SLC35D1: variants seen among roughly 807,000 people sequenced by gnomAD.
SLC35D1 encodes solute carrier family 35 member D1.
A neutral mutation model predicts 46.7 loss-of-function variants in SLC35D1; 31 were observed. The ratio of observed to expected loss-of-function variants is 0.66; its 90% CI spans 0.50 to 0.90. SLC35D1 has a LOEUF of 0.90. SLC35D1 is among the 40% of genes least tolerant of loss of function. The pLI, the probability that SLC35D1 is intolerant of heterozygous loss-of-function variation, is 0.00. For synonymous variants in SLC35D1, 195 were observed against 164.6 expected (o/e 1.18, Z -1.41); for missense variants, 397 against 426.2 (o/e 0.93, Z 0.60).
chr1:66,985,219 T>C, the SLC35D1 span: 1 of 970,256 alleles, frequency 1.0e-6, no homozygotes, highest in Non-Finnish European at 1.2e-6. Flanking sequence ...AAGATGTATC[T>C]GTACCTTCTC....
At chr1:67,051,691 A>G (rs1177030464) in intron 4 of SLC35D1, among the ~76,000 whole-genome samples, 1 of 152,232 alleles carries the variant, frequency 6.6e-6, no homozygotes, top group African/African-American at 2.4e-5. Flanking sequence ...CCAGAAGCCT[A>G]GTATATATCT....
intron 8 of SLC35D1, among the ~76,000 whole-genome samples, chr1:67,035,279 T>G (rs1668100599): frequency 6.6e-6 from 1 of 152,200 alleles, no homozygotes; most frequent in Non-Finnish European, 1.5e-5. Context: ...TTGGCATTAG[T>G]TCTTCTTTAA....
chr1:67,020,336 G>C, intron 10 of SLC35D1, 33 bp downstream of exon 10: 1 of 1,369,308 alleles, frequency 7.3e-7, no homozygotes, highest in East Asian at 2.3e-5. Context: ...AAATAATGCA[G>C]GTACCAAAAG....
intron 1 of SLC35D1, 139 bp downstream of exon 1, chr1:67,053,672 C>T: frequency 1.2e-5 from 10 of 826,316 alleles, no homozygotes; most frequent in Non-Finnish European, 1.6e-5. Flanking sequence ...CCGCGCGCGT[C>T]AGCCGCCCGC....
At chr1:67,025,887 T>A (rs1289490252) in intron 8 of SLC35D1, among the ~76,000 whole-genome samples, 1 of 152,232 alleles carries the variant, frequency 6.6e-6, no homozygotes, top group African/African-American at 2.4e-5. Flanking sequence ...AATTTTTGCA[T>A]ATTGACCTTG....
chr1:66,973,105 C>A, the SLC35D1 span: 1 of 603,432 alleles, frequency 1.7e-6, no homozygotes. Flanking sequence ...ATTAATATGA[C>A]AATATTTTGG....
chr1:66,979,081 G>A, the SLC35D1 span, among the ~76,000 whole-genome samples: 1 of 151,876 alleles, frequency 6.6e-6, no homozygotes, highest in Non-Finnish European at 1.5e-5. Flanking sequence ...GGCTTCAGTT[G>A]TAGCCCCACT....
intron 10 of SLC35D1, among the ~76,000 whole-genome samples, chr1:67,018,834 G>A (rs1009318759): frequency 6.6e-6 from 1 of 152,200 alleles, no homozygotes; most frequent in Non-Finnish European, 1.5e-5. Flanking sequence ...TGTATCCTGT[G>A]AGACTTCGAC....
At chr1:67,006,026 T>C (rs984679795) in intron 11 of SLC35D1, among the ~76,000 whole-genome samples, 4 of 152,046 alleles carry the variant, frequency 2.6e-5, no homozygotes, top group Non-Finnish European at 5.9e-5. Context: ...TTCCCCCCCT[T>C]TCTGTGGAAA....
intron 8 of SLC35D1, among the ~76,000 whole-genome samples, chr1:67,040,188 A>C (rs1668212880): frequency 6.6e-6 from 1 of 151,782 alleles, no homozygotes; most frequent in African/African-American, 2.4e-5. Flanking sequence ...GTAGAGATGG[A>C]GTTTTGCCAT....
intron 8 of SLC35D1, 102 bp from the exon 9 acceptor site, chr1:67,021,704 CAG>C (rs762231314): frequency 0.14 from 41,429 of 286,530 alleles, 1,911 homozygotes; most frequent in East Asian, 0.28. Context: ...AACACAGACA[CAG>C]ACACAGACAC....
At position 66,999,567 on chromosome 1, in the gene SLC35D1, T is replaced by TA. The variant is rs1667287600; in HGVS notation, c.*4772_*4773insT. ...CTAACACCTGTAGACAAAAATCAGTTGATCATCAGCATGAGAAAGAAAACA... is the reference window on the plus strand; with the variant it reads ...CTAACACCTGTAGACAAAAATCAGTTAGATCATCAGCATGAGAAAGAAAACA... On this transcript the variant is annotated 3_prime_UTR_variant, in exon 12 of 12. Coordinates refer to ENST00000235345, the MANE Select transcript of SLC35D1 (RefSeq NM_015139.3). The TA allele has an allele frequency of 6.6e-6, 1 of 152,208 alleles. No individual in the cohort carries two copies. Among genetic ancestry groups the TA allele is most frequent in the Admixed American group, 6.6e-5 (1 of 15,254 alleles). The allele number at this position is 152,208 out of a possible 1,614,324, so 9.4% of individuals were successfully genotyped here.
At chr1:67,033,629 C>T (rs1410849304) in intron 8 of SLC35D1, among the ~76,000 whole-genome samples, 2 of 152,034 alleles carry the variant, frequency 1.3e-5, no homozygotes, top group Non-Finnish European at 2.9e-5. Context: ...AATATTTTCT[C>T]CCATTCTGTG....
chr1:66,985,814 A>T, the SLC35D1 span: 199 of 630,418 alleles, frequency 3.2e-4, no homozygotes, highest in South Asian at 1.6e-3. Context: ...GGATTATAAA[A>T]TTTTTTTTTT....
At chr1:66,978,089 G>A in the SLC35D1 span, among the ~76,000 whole-genome samples, 1 of 151,768 alleles carries the variant, frequency 6.6e-6, no homozygotes, top group Non-Finnish European at 1.5e-5. Flanking sequence ...TCAGCTACTC[G>A]GGAGACTGAG....
chr1:66,975,370 T>C, the SLC35D1 span, among the ~76,000 whole-genome samples: 1 of 151,364 alleles, frequency 6.6e-6, no homozygotes, highest in African/African-American at 2.4e-5. Flanking sequence ...CTACAAAAAA[T>C]AGAAAAATTA....
intron 10 of SLC35D1, among the ~76,000 whole-genome samples, chr1:67,015,296 T>C (rs922267916): frequency 1.1e-4 from 17 of 151,824 alleles, no homozygotes; most frequent in Admixed American, 1.1e-3. Flanking sequence ...AATCTTGTGG[T>C]CAAACTAATT....
At chr1:66,989,878 T>C in the SLC35D1 span, among the ~76,000 whole-genome samples, 1 of 152,240 alleles carries the variant, frequency 6.6e-6, no homozygotes, top group African/African-American at 2.4e-5. Context: ...CTTTAAATTC[T>C]TGACCAGAAA....
the SLC35D1 span, chr1:66,981,959 G>A: frequency 3.7e-5 from 59 of 1,604,334 alleles, no homozygotes; most frequent in South Asian, 6.3e-4. Context: ...TCATAATAAG[G>A]GACACTTTCT....
Sources: gnomAD v4.1 joint callset for allele counts (sites outside exome capture counted in the v4.1 genomes callset) on GRCh38, gnomAD v4.1.1 for gene constraint, MANE v1.5 for transcripts, NCBI Gene and HGNC (gene_info 2026-07-23, HGNC 2026-07-21) for gene names.